The following TCF7 variants were observed in gnomAD, a reference collection of about 807,000 sequenced individuals.
The protein encoded by TCF7 is T-cell-factor-7.
In TCF7, 19 loss-of-function variants were observed where a neutral mutation model predicts 46.8. The ratio of observed to expected loss-of-function variants is 0.41; its 90% CI spans 0.28 to 0.60. TCF7 has a LOEUF of 0.60. TCF7 is among the 20% of genes least tolerant of loss of function. The probability of loss-of-function intolerance (pLI) is 0.35; values close to 1 mark genes in which losing one functional copy is unlikely to be tolerated. For synonymous variants in TCF7, 245 were observed against 213.4 expected (o/e 1.15, Z -1.29); for missense variants, 547 against 504.6 (o/e 1.08, Z -0.81).
chr5:134,120,014 G>A (rs1312628571), intron 3 of TCF7, among the ~76,000 whole-genome samples: 2 of 152,200 alleles, frequency 1.3e-5, no homozygotes, highest in Non-Finnish European at 2.9e-5. Flanking sequence ...GAGACAGATA[G>A]AGACCTGAAG....
chr5:134,138,242 C>A, intron 4 of TCF7, 78 bp downstream of exon 4: 1 of 1,353,470 alleles, frequency 7.4e-7, no homozygotes, highest in Non-Finnish European at 1.0e-6. Flanking sequence ...GACCAGGTAG[C>A]TGGGTCCATT....
At position 134,114,804 on chromosome 5, in the gene TCF7, C is replaced by G; in HGVS notation, c.-103C>G. 2.1e-6 allele frequency: 2 copies of G among 968,734 alleles called. No homozygotes were observed. 60.0% of individuals were successfully genotyped at this position (968,734 alleles called of 1,614,324 possible). A position where few individuals can be genotyped will look rare whatever the true frequency, so the allele number is the denominator to read the frequency against. ...AGCCCGCGCTCCGCCCGCCGCGATC[C>G]GAGCTCGGAGGTTCGGACTCCGGGC... On this transcript the variant is annotated 5_prime_UTR_variant, in exon 1 of 10. Transcript: ENST00000342854.
intron 9 of TCF7, chr5:134,144,916 CCT>C (rs1561703129): frequency 3.3e-6 from 5 of 1,531,158 alleles, no homozygotes; most frequent in South Asian, 2.3e-5. Context: ...AAGCTGCTTC[CCT>C]GACTCTGCAC....
intron 3 of TCF7, among the ~76,000 whole-genome samples, chr5:134,120,409 C>T (rs570250441): frequency 6.6e-6 from 1 of 152,310 alleles, no homozygotes; most frequent in South Asian, 2.1e-4. Flanking sequence ...CTTCCCATTG[C>T]TCTTGCAGTG....
At chr5:134,140,211 G>A (rs1262017279) in intron 5 of TCF7, among the ~76,000 whole-genome samples, 1 of 152,148 alleles carries the variant, frequency 6.6e-6, no homozygotes, top group Non-Finnish European at 1.5e-5. Flanking sequence ...CAGGGTTCTG[G>A]GCACCAGGGA....
chr5:134,116,369 CTCTGA>C (rs1755846034), intron 3 of TCF7, among the ~76,000 whole-genome samples: 1 of 152,258 alleles, frequency 6.6e-6, no homozygotes, highest in Admixed American at 6.5e-5. Flanking sequence ...CTCCTCGCTG[CTCTGA>C]TCTGAGCTCA....
At chr5:134,109,461 T>C in the TCF7 span, among the ~76,000 whole-genome samples, 1 of 152,138 alleles carries the variant, frequency 6.6e-6, no homozygotes, top group African/African-American at 2.4e-5. Flanking sequence ...AAGCTCTTCA[T>C]GGCATCCTTA....
At chr5:134,109,016 C>G in the TCF7 span, among the ~76,000 whole-genome samples, 1 of 152,214 alleles carries the variant, frequency 6.6e-6, no homozygotes, top group Non-Finnish European at 1.5e-5. Flanking sequence ...GAACCCCTGG[C>G]TCCCAGAGCC....
At chr5:134,109,688 T>C (rs545549518), upstream of TCF7, among the ~76,000 whole-genome samples, 169 of 151,180 alleles carry the variant, frequency 1.1e-3, no homozygotes, top group African/African-American at 4.0e-3. Flanking sequence ...GAGAATTGCT[T>C]GAACCTGGGA....
rs1465424820 is a variant in TCF7 at position 134,114,681 on chromosome 5, A to G, written c.-226A>G. The G allele has an allele frequency of 1.7e-5, 2 of 118,572 alleles. No homozygotes were observed. Among genetic ancestry groups the G allele is most frequent in the African/African-American group, 6.9e-5 (2 of 28,818 alleles). 7.3% of individuals were successfully genotyped at this position (118,572 alleles called of 1,614,324 possible). On this transcript the variant is annotated 5_prime_UTR_variant, in exon 1 of 10. Coordinates refer to ENST00000342854, the MANE Select transcript of TCF7 (RefSeq NM_003202.5). ...CCCCAGTGCCCGCCCCGCCCCCGGC[A>G]CTCGGCCGGCGGCGCCTTTGATGTT...
intron 3 of TCF7, among the ~76,000 whole-genome samples, chr5:134,132,622 C>T (rs756098983): frequency 2.0e-5 from 3 of 152,194 alleles, no homozygotes; most frequent in Non-Finnish European, 2.9e-5. Context: ...GAGGGAGTTT[C>T]TCTGCTGGCG....
chr5:134,118,452 G>T (rs1023510793), intron 3 of TCF7, among the ~76,000 whole-genome samples: 2 of 152,214 alleles, frequency 1.3e-5, no homozygotes, highest in African/African-American at 4.8e-5. Context: ...AGCAGGGAAA[G>T]CCTATACCAG....
At chr5:134,143,789 GTCAAAT>G (rs2149357263) in intron 9 of TCF7, 149 bp downstream of exon 9, 1 of 815,008 alleles carries the variant, frequency 1.2e-6, no homozygotes, top group East Asian at 2.7e-5. Flanking sequence ...CATCTCACAA[GTCAAAT>G]TCCCATGCAA....
intron 9 of TCF7, chr5:134,145,602 C>G (rs1760577112): frequency 2.3e-6 from 2 of 853,054 alleles, no homozygotes; most frequent in Non-Finnish European, 3.7e-6. Context: ...GAACACTTGT[C>G]CAGCCTCTCA....
rs570795094 is a variant in TCF7 at position 134,142,070 on chromosome 5, G to GTATC, written c.636-109_636-106dup. The GTATC allele has an allele frequency of 1.5e-4, 209 of 1,419,000 alleles. No homozygotes were observed. In the South Asian group the frequency reaches 2.4e-3, roughly 16 times the overall value. The allele number at this position is 1,419,000 out of a possible 1,614,324, so 87.9% of individuals were successfully genotyped here. A position where few individuals can be genotyped will look rare whatever the true frequency, so the allele number is the denominator to read the frequency against. Reference sequence around the variant, plus strand: ...CTTATGTCTAGGCCAGTAGGATAGAGTATCTATCTGTTCACCTGTGTCCTC... The same window carrying GTATC: ...CTTATGTCTAGGCCAGTAGGATAGAGTATCTATCTATCTGTTCACCTGTGTCCTC... On this transcript the variant is annotated intron_variant, in intron 5 of 9. Transcript: ENST00000342854.
chr5:134,117,533 C>T (rs1166936169), intron 3 of TCF7, among the ~76,000 whole-genome samples: 2 of 152,242 alleles, frequency 1.3e-5, no homozygotes, highest in Non-Finnish European at 2.9e-5. Flanking sequence ...CGGGGCTCCA[C>T]AGCAGCACAG....
chr5:134,142,744 C>T lies in TCF7; in HGVS notation c.779C>T (p.Ala260Val), dbSNP rs1289926989. 2 of 1,614,014 alleles carry T rather than the reference C, an allele frequency of 1.2e-6. No individual in the cohort carries two copies. Among genetic ancestry groups the T allele is most frequent in the East Asian group, 4.5e-5 (2 of 44,884 alleles). Residue 260 changes from alanine (A) to valine (V), a missense_variant, in exon 7 of 10, where the codon GCA becomes GTA. Ala to Val is a moderately conservative substitution (Grantham distance 64). This residue lies in a region of TCF7 where 425 missense variants were observed against 349.9 expected (regional missense o/e 1.21). Transcript: ENST00000342854. ...AGGAAGACACAAGCAGAGTCCAAGG[C>T]AGAGAAGGAGGCCAAGAAGCCAACC... The part of the protein sequence containing the change: ...RNLKTQAESK[A>V]EKEAKKPTIK...
intron 6 of TCF7, 60 bp from the exon 7 acceptor site, chr5:134,142,661 A>G: frequency 1.3e-6 from 2 of 1,593,516 alleles, no homozygotes; most frequent in African/African-American, 2.7e-5. Context: ...CTAGAGGAGG[A>G]GGCTGCAATT....
chr5:134,139,028 A>G lies in TCF7; in HGVS notation c.625A>G (p.Thr209Ala), dbSNP rs545262466. The change falls in exon 5 of 10, where the codon ACT becomes GCT. Residue 209 changes from threonine to alanine, a missense_variant. Coordinates refer to ENST00000342854, the MANE Select transcript of TCF7 (RefSeq NM_003202.5). ...AGGCAGCATGGGGCAGCTCCCCCAC[A>G]CTGTGAGCTGGTGAGTGTGGGCCCA... is the stretch of plus-strand genomic sequence containing the variant. Reference protein sequence around the residue: ...TSGSMGQLPHTVSWFTHPSLM... With the variant: ...TSGSMGQLPHAVSWFTHPSLM... 44 of 1,613,720 alleles carry G rather than the reference A, an allele frequency of 2.7e-5. 4 individuals carry two copies. In the South Asian group the frequency reaches 4.6e-4, roughly 17 times the overall value.
Sources: allele counts gnomAD v4.1 joint callset (sites outside exome capture counted in the v4.1 genomes callset), GRCh38; gene constraint gnomAD v4.1.1; regional missense constraint gnomAD v4.1.1; transcripts MANE v1.5; gene names NCBI Gene and HGNC (gene_info 2026-07-23, HGNC 2026-07-21).